The following EHD3 variants were observed in gnomAD, a reference collection of about 807,000 sequenced individuals.
EHD3 encodes the protein EH domain-containing protein 3.
EHD3 carries 17 observed loss-of-function variants against 43.0 expected under a neutral mutation model. That is an observed-to-expected ratio of 0.40 (90% CI 0.27 to 0.59). The LOEUF (loss-of-function observed/expected upper bound fraction) is 0.59, where lower values mean the gene tolerates loss of function less well. Among genes scored for constraint, EHD3 ranks in the 20% least tolerant of loss-of-function variants. EHD3 has a pLI of 0.49. For missense variants in EHD3, 594 were observed against 705.6 expected, an observed-to-expected ratio of 0.84 and a Z score of 1.79; for synonymous variants, 313 against 289.5, an observed-to-expected ratio of 1.08 and a Z score of -0.82.
rs993402230 is a variant in EHD3 at position 31,262,247 on chromosome 2, A to G, written c.1080+534A>G. On this transcript the variant is annotated intron_variant, in intron 5 of 5. Coordinates refer to ENST00000322054, the MANE Select transcript of EHD3 (RefSeq NM_014600.3). ...TCTTACGGTTTTCCCCAAAGCACTC[A>G]TCAGAGGGAGGCATTTTTCATCTGC... Among the ~76,000 whole-genome samples the G allele has an allele frequency of 2.6e-5, 4 of 152,204 alleles. No individual in the cohort carries two copies. The South Asian group carries it at 8.3e-4, about 32-fold the overall frequency.
rs1281571403 is a variant in EHD3, at chr2:31,260,898, C to A, written c.891C>A (p.Leu297=). The A allele has an allele frequency of 6.2e-7, 1 of 1,611,260 alleles. No homozygotes were observed. Among genetic ancestry groups the A allele is most frequent in the Non-Finnish European group, 8.5e-7 (1 of 1,178,582 alleles). ...RNAALRKLND[L]IKRARLAKVH... is the part of the protein sequence containing the mutation. ...CTGCCCTGCGCAAGCTCAACGACCT[C>A]ATCAAAAGGGCCAGGCTGGCCAAGG... The change falls in exon 4 of 6, where the codon CTC becomes CTA. Residue 297 remains leucine, a synonymous_variant. Transcript: ENST00000322054. This position sits in a 1 kb window ranked among gnomAD's most constrained non-coding sequence, Gnocchi z 4.6.
Position 31,268,632 on chromosome 2 carries a change from TG to T in EHD3, c.*1931del, listed in dbSNP as rs1039889838. ...GGAGTGAAGATGTTCCCTAAGCCCC[TG>T]GGCTTCCTTCTGCAAATACACATTT... On this transcript the variant is annotated 3_prime_UTR_variant, in exon 6 of 6. Coordinates refer to ENST00000322054, the MANE Select transcript of EHD3 (RefSeq NM_014600.3). 1 of 152,226 alleles carries T rather than the reference TG, an allele frequency of 6.6e-6. No homozygotes were observed. The highest frequency in any genetic ancestry group is 2.4e-5 in the African/African-American group (1 of 41,452). 9.4% of individuals were successfully genotyped at this position (152,226 alleles called of 1,614,324 possible).
At chr2:31,253,381 A>G (rs1683676996) in intron 3 of EHD3, among the ~76,000 whole-genome samples, 1 of 151,596 alleles carries the variant, frequency 6.6e-6, no homozygotes, top group African/African-American at 2.4e-5. Context: ...TTCTCGCCTT[A>G]CTCCAGCCAG....
At chr2:31,237,325 A>G (rs1047347679) in intron 1 of EHD3, among the ~76,000 whole-genome samples, 2 of 151,808 alleles carry the variant, frequency 1.3e-5, no homozygotes, top group Non-Finnish European at 2.9e-5. Context: ...TTATATATAA[A>G]TATATTTCCA....
intron 2 of EHD3, 27 bp from the exon 3 acceptor site, chr2:31,249,344 T>C (rs112850980): frequency 6.2e-7 from 1 of 1,608,896 alleles, no homozygotes; most frequent in Non-Finnish European, 8.5e-7. Context: ...GGGCGAGTAC[T>C]CACCCAGGTT....
intron 1 of EHD3, among the ~76,000 whole-genome samples, chr2:31,238,978 C>T (rs909373936): frequency 1.2e-4 from 19 of 152,114 alleles, no homozygotes; most frequent in Admixed American, 1.1e-3. Context: ...GACTTGGACT[C>T]TTGAGGCATG....
chr2:31,269,180 T>A lies in EHD3; in HGVS notation c.*2476T>A, dbSNP rs1285762213. ...TAATAGGGAAAGCAGAGACATGTCA[T>A]GTCAGCCCCACAGACAAGAATTTCT... On this transcript the variant is annotated 3_prime_UTR_variant, in exon 6 of 6. Transcript: ENST00000322054. The A allele has an allele frequency of 2.6e-5, 4 of 152,174 alleles. No individual in the cohort carries two copies. The highest frequency in any genetic ancestry group is 5.9e-5 in the Non-Finnish European group (4 of 68,034). 9.4% of individuals were successfully genotyped at this position (152,174 alleles called of 1,614,324 possible).
chr2:31,235,024 C>T (rs1683297881), intron 1 of EHD3, among the ~76,000 whole-genome samples, 176 bp downstream of exon 1: 1 of 152,090 alleles, frequency 6.6e-6, no homozygotes, highest in Admixed American at 6.5e-5. Flanking sequence ...TTGCTGGTCC[C>T]CCTTCCCATC....
At chr2:31,243,448 C>CTTTTTTTTTTT (rs1310045883) in intron 1 of EHD3, among the ~76,000 whole-genome samples, 3 of 67,006 alleles carry the variant, frequency 4.5e-5, no homozygotes, top group Non-Finnish European at 8.0e-5. Flanking sequence ...TTCTTTCTTT[C>CTTTTTTTTTTT]TTTCTTTCTT....
At chr2:31,256,315 A>G (rs1006696986) in intron 3 of EHD3, among the ~76,000 whole-genome samples, 24 of 152,364 alleles carry the variant, frequency 1.6e-4, no homozygotes, top group Middle Eastern at 3.4e-3. Context: ...TGATTTGTTT[A>G]GATCCTCACA....
intron 3 of EHD3, among the ~76,000 whole-genome samples, chr2:31,252,774 T>A (rs936381453): frequency 6.6e-6 from 1 of 152,210 alleles, no homozygotes; most frequent in African/African-American, 2.4e-5. Context: ...CCATCCCACA[T>A]TGACTAAGCA....
At chr2:31,249,534 A>T in intron 3 of EHD3, 66 bp downstream of exon 3, 2 of 1,442,636 alleles carry the variant, frequency 1.4e-6, no homozygotes, top group South Asian at 2.4e-5. Context: ...AGTCTCTTAC[A>T]TACCAGAAGA....
intron 3 of EHD3, among the ~76,000 whole-genome samples, chr2:31,251,217 G>A (rs1050623461): frequency 1.3e-5 from 2 of 152,252 alleles, no homozygotes; most frequent in East Asian, 3.8e-4. Context: ...GCAGAAAGCA[G>A]CTCTCTTCTG....
chr2:31,262,307 C>T (rs1353288577), intron 5 of EHD3, among the ~76,000 whole-genome samples: 3 of 152,160 alleles, frequency 2.0e-5, no homozygotes, highest in African/African-American at 7.2e-5. Flanking sequence ...TCAGCATTTT[C>T]TGAGTGTAGC....
intron 1 of EHD3, among the ~76,000 whole-genome samples, chr2:31,243,991 C>T (rs1012547888): frequency 2.0e-5 from 3 of 151,974 alleles, no homozygotes; most frequent in Non-Finnish European, 4.4e-5. Context: ...GTTTTTGAGC[C>T]CAAACCTTGC....
chr2:31,247,625 G>A (rs1258982071), intron 2 of EHD3, among the ~76,000 whole-genome samples: 2 of 152,300 alleles, frequency 1.3e-5, no homozygotes, highest in South Asian at 2.1e-4. Context: ...GATAGAATTC[G>A]TGTTTTATTT....
intron 3 of EHD3, among the ~76,000 whole-genome samples, chr2:31,255,408 ACAGCTCTACCACAGAGTCCTCATT>A (rs1204474472): frequency 1.3e-5 from 2 of 152,204 alleles, no homozygotes; most frequent in African/African-American, 2.4e-5. Flanking sequence ...TCTTGTTGCC[ACAGCTCTACCACAGAGTCCTCATT>A]CAGCTCTACC....
At chr2:31,243,084 T>G (rs2148716514) in intron 1 of EHD3, among the ~76,000 whole-genome samples, 1 of 151,860 alleles carries the variant, frequency 6.6e-6, no homozygotes, top group Non-Finnish European at 1.5e-5. Context: ...CAAGACCAGA[T>G]TGGCCAATAT....
intron 3 of EHD3, among the ~76,000 whole-genome samples, chr2:31,251,298 C>T (rs1423363160): frequency 6.6e-6 from 1 of 152,096 alleles, no homozygotes; most frequent in Non-Finnish European, 1.5e-5. Flanking sequence ...GTGTGAGCTG[C>T]CATGGCTGGG....
Sources: allele counts gnomAD v4.1 joint callset (sites outside exome capture counted in the v4.1 genomes callset), GRCh38; gene constraint gnomAD v4.1.1; non-coding constraint Gnocchi (gnomAD v3.1); transcripts MANE v1.5; gene names NCBI Gene and HGNC (gene_info 2026-07-23, HGNC 2026-07-21).